CACFD1: variants seen among roughly 807,000 people sequenced by gnomAD.
The protein encoded by CACFD1 is calcium channel flower homolog.
Under a neutral mutation model 21.3 loss-of-function variants are expected in CACFD1, and 26 were observed. The observed-to-expected ratio is 1.22, with a 90% confidence interval of 0.89 to 1.69. CACFD1 has a LOEUF of 1.69. Among genes scored for constraint, CACFD1 ranks in the 40% most tolerant of loss-of-function variants. CACFD1 has a pLI of 0.00. For missense variants in CACFD1, 265 were observed against 236.2 expected, an observed-to-expected ratio of 1.12 and a Z score of -0.80; for synonymous variants, 121 against 106.6, an observed-to-expected ratio of 1.13 and a Z score of -0.83.
intron 1 of CACFD1, 51 bp from the exon 2 acceptor site, chr9:133,463,432 C>T (rs782448178): frequency 1.2e-5 from 20 of 1,612,312 alleles, no homozygotes; most frequent in Admixed American, 3.3e-5. Flanking sequence ...GCCTTCCCAG[C>T]GGGCTCCGCC....
chr9:133,468,737 C>A lies in CACFD1; in HGVS notation c.*84C>A. 1 of 1,467,522 alleles carries A rather than the reference C, an allele frequency of 6.8e-7. No homozygotes were observed. Among genetic ancestry groups the A allele is most frequent in the Non-Finnish European group, 9.0e-7 (1 of 1,110,170 alleles). The allele number at this position is 1,467,522 out of a possible 1,614,324, so 90.9% of individuals were successfully genotyped here. The stretch of plus-strand genomic sequence containing the variant: ...GGCCTGGACTGTCCACGCTGAGGCA[C>A]AGCCTGGAGAGGGGCCTTTGCACGT... On this transcript the variant is annotated 3_prime_UTR_variant, in exon 5 of 5. Transcript: ENST00000316948.
intron 1 of CACFD1, chr9:133,461,719 C>A: frequency 4.0e-6 from 1 of 249,894 alleles, no homozygotes; most frequent in Non-Finnish European, 6.3e-6. Context: ...ACAGATGAAG[C>A]TTCAGGAGAA....
At position 133,460,184 on chromosome 9, in the gene CACFD1, G is replaced by C; in HGVS notation, c.118G>C (p.Val40Leu). 1.9e-6 allele frequency: 3 copies of C among 1,547,224 alleles called. No individual in the cohort carries two copies. Among genetic ancestry groups the C allele is most frequent in the Non-Finnish European group, 2.6e-6 (3 of 1,146,776 alleles). Reference protein sequence around the residue: ...LCRLSGVLGAVSCAISGLFNC... With the variant: ...LCRLSGVLGALSCAISGLFNC... ...TCGCCTGTCTGGGGTGCTGGGGGCA[G>C]TCTGTGAGTATCCAGTCGGGGAGAG... The change falls in exon 1 of 5, where the codon GTC becomes CTC. Residue 40 changes from valine (V) to leucine (L), a missense_variant. By Grantham distance (32) the Val-to-Leu change is conservative. Coordinates refer to ENST00000316948, the MANE Select transcript of CACFD1 (RefSeq NM_017586.5).
In CACFD1 at chr9:133,465,162, C is replaced by T. The variant is rs587619635; in HGVS notation, c.195-160C>T. 4.0e-5 allele frequency: 30 copies of T among 744,712 alleles called. No individual in the cohort carries two copies. In the East Asian group the frequency reaches 5.5e-4, roughly 14 times the overall value. The allele number at this position is 744,712 out of a possible 1,614,324, so 46.1% of individuals were successfully genotyped here. On this transcript the variant is annotated intron_variant, in intron 2 of 4. Coordinates refer to ENST00000316948, the MANE Select transcript of CACFD1 (RefSeq NM_017586.5). This position sits in a 1 kb window ranked among gnomAD's most constrained non-coding sequence, Gnocchi z 5.0. ...TTCAGCAGAGGCTCTCCGAGGGGTACGAGCAGGTGCCCTGGAGCAGCCGGG... is the reference window on the plus strand; with the variant it reads ...TTCAGCAGAGGCTCTCCGAGGGGTATGAGCAGGTGCCCTGGAGCAGCCGGG...
chr9:133,469,129 T>G lies in CACFD1; in HGVS notation c.*476T>G. 5.8e-6 allele frequency: 1 copy of G among 171,740 alleles called. No individual in the cohort carries two copies. The highest frequency in any genetic ancestry group is 1.2e-5 in the Non-Finnish European group (1 of 80,902). The allele number at this position is 171,740 out of a possible 1,614,324, so 10.6% of individuals were successfully genotyped here. ...CTGCCAGCAACCTCCCACTGCTGCC[T>G]AGGGTGCAGCGCCCACTGTCACCCT... On this transcript the variant is annotated 3_prime_UTR_variant, in exon 5 of 5. Transcript: ENST00000316948.
At chr9:133,464,922 A>AGT (rs1843371863) in intron 2 of CACFD1, 1 of 170,914 alleles carries the variant, frequency 5.9e-6, no homozygotes, top group African/African-American at 2.4e-5. Context: ...CCATGGCGAT[A>AGT]ATACTAACAG....
At chr9:133,463,329 T>G (rs1843292346) in intron 1 of CACFD1, 154 bp from the exon 2 acceptor site, 1 of 926,268 alleles carries the variant, frequency 1.1e-6, no homozygotes, top group Non-Finnish European at 1.3e-6. Context: ...CTCACCTGTC[T>G]CAGACGATAG....
intron 1 of CACFD1, 78 bp downstream of exon 1, chr9:133,460,265 GC>G: frequency 7.5e-7 from 1 of 1,330,758 alleles, no homozygotes; most frequent in East Asian, 3.1e-5. Context: ...CCCCGCCCCG[GC>G]GGCCCCAGGG....
intron 1 of CACFD1, among the ~76,000 whole-genome samples, chr9:133,460,483 G>GGGGGCGGCGGGGGCGGGGGGGCGGC (rs1554798208): frequency 8.0e-6 from 1 of 124,534 alleles, no homozygotes; most frequent in Non-Finnish European, 2.0e-5. Context: ...GCGGGGGCGG[G>GGGGGCGGCGGGGGCGGGGGGGCGGC]GGTGGGGCAC....
chr9:133,468,563 G>A lies in CACFD1; in HGVS notation c.429G>A (p.Lys143=). 5.1e-6 allele frequency: 8 copies of A among 1,577,438 alleles called. No homozygotes were observed. Among genetic ancestry groups the A allele is most frequent in the Non-Finnish European group, 6.9e-6 (8 of 1,163,404 alleles). Residue 143 remains lysine, a splice_region_variant and synonymous_variant, in exon 5 of 5, where the codon AAG becomes AAA. Coordinates refer to ENST00000316948, the MANE Select transcript of CACFD1 (RefSeq NM_017586.5). The part of the protein sequence containing the change: ...VLYGLSALGK[K]GDAISYARIQ... ...TGACGCTGCCTCTCTCTCTCCCCAG[G>A]GGCGATGCGATCTCCTATGCCAGGA...
chr9:133,468,962 A>T lies in CACFD1; in HGVS notation c.*309A>T, dbSNP rs1453767110. ...ACAGGGCTGCCTGTGACCTGCTGTG[A>T]CCTGGGAGCAGCTTCCCCTGGAGAT... On this transcript the variant is annotated 3_prime_UTR_variant, in exon 5 of 5. Transcript: ENST00000316948. 5.0e-6 allele frequency: 2 copies of T among 403,676 alleles called. No homozygotes were observed. The highest frequency in any genetic ancestry group is 4.1e-5 in the African/African-American group (2 of 48,694). The allele number at this position is 403,676 out of a possible 1,614,324, so 25.0% of individuals were successfully genotyped here.
Position 133,460,160 on chromosome 9 carries a change from C to T in CACFD1, c.94C>T (p.Arg32Cys), listed in dbSNP as rs199903701. Residue 32 changes from arginine to cysteine, a missense_variant, in exon 1 of 5, where the codon CGC (arginine) becomes TGC (cysteine). Transcript: ENST00000316948. ...GMTWWYRWLC[R>C]LSGVLGAVSC... is the part of the protein sequence containing the mutation. Reference sequence around the variant, plus strand: ...GACGTGGTGGTACCGCTGGCTGTGTCGCCTGTCTGGGGTGCTGGGGGCAGT... The same window carrying T: ...GACGTGGTGGTACCGCTGGCTGTGTTGCCTGTCTGGGGTGCTGGGGGCAGT... 2 of 1,557,820 alleles carry T rather than the reference C, an allele frequency of 1.3e-6. No homozygotes were observed. The highest frequency in any genetic ancestry group is 1.4e-5 in the African/African-American group (1 of 73,136).
At chr9:133,467,876 G>T (rs1843500512) in intron 3 of CACFD1, 45 bp from the exon 4 acceptor site, 2 of 1,378,186 alleles carry the variant, frequency 1.5e-6, no homozygotes, top group Admixed American at 1.7e-5. Context: ...AGGATGTGGT[G>T]GCTGTGGGGC....
rs907539098 is a variant in CACFD1, at chr9:133,470,664, C to T, written c.*2011C>T. On this transcript the variant is annotated 3_prime_UTR_variant, in exon 5 of 5. Coordinates refer to ENST00000316948, the MANE Select transcript of CACFD1 (RefSeq NM_017586.5). ...AACGTCTCTTCCGGCGGCTGGGCCG[C>T]TCCTGCCTGGTCTGGGCTGTGTGTG... 9 of 152,488 alleles carry T rather than the reference C, an allele frequency of 5.9e-5. No individual in the cohort carries two copies. The highest frequency in any genetic ancestry group is 2.6e-4 in the Admixed American group (4 of 15,284). The allele number at this position is 152,488 out of a possible 1,614,324, so 9.4% of individuals were successfully genotyped here.
In CACFD1 at chr9:133,465,267, C is replaced by A; in HGVS notation, c.195-55C>A. The A allele has an allele frequency of 6.2e-7, 1 of 1,607,556 alleles. No homozygotes were observed. Among genetic ancestry groups the A allele is most frequent in the Non-Finnish European group, 8.5e-7 (1 of 1,176,880 alleles). Reference sequence around the variant, plus strand: ...TTATGGCACTGGCACTGGGGGCCGCCCTCATCCTCCTGGGATTGTCAGTCG... The same window carrying A: ...TTATGGCACTGGCACTGGGGGCCGCACTCATCCTCCTGGGATTGTCAGTCG... On this transcript the variant is annotated intron_variant, in intron 2 of 4. Transcript: ENST00000316948. The surrounding 1 kb of genome is among the most constrained non-coding windows in gnomAD (Gnocchi z 5.0).
intron 2 of CACFD1, among the ~76,000 whole-genome samples, chr9:133,463,845 C>A (rs1274916593): frequency 6.6e-6 from 1 of 152,270 alleles, no homozygotes; most frequent in Non-Finnish European, 1.5e-5. Context: ...GTGCTCCAGA[C>A]ATTTCTGGAG....
chr9:133,468,795 C>A lies in CACFD1; in HGVS notation c.*142C>A, dbSNP rs376264870. On this transcript the variant is annotated 3_prime_UTR_variant, in exon 5 of 5. Transcript: ENST00000316948. The stretch of plus-strand genomic sequence containing the variant: ...CACCTGGAGTCCTCTGCTCCTTTCT[C>A]CAGACTGGCTTAAGCCAGGAGCCAC... The A allele has an allele frequency of 2.0e-5, 28 of 1,386,316 alleles. No homozygotes were observed. The African/African-American group carries it at 3.6e-4, about 18-fold the overall frequency. The allele number at this position is 1,386,316 out of a possible 1,614,324, so 85.9% of individuals were successfully genotyped here.
Position 133,468,811 on chromosome 9 carries a change from C to A in CACFD1, c.*158C>A. 7.6e-7 allele frequency: 1 copy of A among 1,312,730 alleles called. No individual in the cohort carries two copies. Among genetic ancestry groups the A allele is most frequent in the Non-Finnish European group, 1.0e-6 (1 of 990,520 alleles). 81.3% of individuals were successfully genotyped at this position (1,312,730 alleles called of 1,614,324 possible). On this transcript the variant is annotated 3_prime_UTR_variant, in exon 5 of 5. Coordinates refer to ENST00000316948, the MANE Select transcript of CACFD1 (RefSeq NM_017586.5). ...CTCCTTTCTCCAGACTGGCTTAAGC[C>A]AGGAGCCACTGGCTGCTGGTGTGAG...
At position 133,468,624 on chromosome 9, in the gene CACFD1, C is replaced by T; in HGVS notation, c.490C>T (p.Leu164Phe). 1 of 1,587,052 alleles carries T rather than the reference C, an allele frequency of 6.3e-7. No homozygotes were observed. The change falls in exon 5 of 5, where the codon CTC (leucine) becomes TTC (phenylalanine). Residue 164 changes from leucine to phenylalanine, a missense_variant. Leu to Phe is a conservative substitution (Grantham distance 22, BLOSUM62 0). Transcript: ENST00000316948. ...QQRQQADEEK[L>F]AETLEGEL ...GAGGCAGCAGGCGGATGAGGAGAAG[C>T]TCGCGGAGACCCTGGAGGGGGAGCT...
Sources: gnomAD v4.1 joint callset for allele counts (sites outside exome capture counted in the v4.1 genomes callset) on GRCh38, gnomAD v4.1.1 for gene constraint, Gnocchi (gnomAD v3.1) non-coding constraint, MANE v1.5 for transcripts, NCBI Gene and HGNC (gene_info 2026-07-23, HGNC 2026-07-21) for gene names.